CACNA2D3: variants seen among roughly 807,000 people sequenced by gnomAD.
The protein encoded by CACNA2D3 is calcium voltage-gated channel auxiliary subunit alpha2delta 3.
A neutral mutation model predicts 160.6 loss-of-function variants in CACNA2D3; 60 were observed. The ratio of observed to expected loss-of-function variants is 0.37; its 90% CI spans 0.30 to 0.46. CACNA2D3 has a LOEUF of 0.46. Ranked by LOEUF, CACNA2D3 falls within the 20% of genes least tolerant of loss-of-function variation. The pLI is 1.00. For missense variants in CACNA2D3, 1,205 were observed against 1,365.0 expected, an observed-to-expected ratio of 0.88 and a Z score of 1.85; for synonymous variants, 558 against 492.9, an observed-to-expected ratio of 1.13 and a Z score of -1.75.
chr3:54,314,301 A>G (rs573154616), intron 2 of CACNA2D3, among the ~76,000 whole-genome samples: 1 of 152,238 alleles, frequency 6.6e-6, no homozygotes, highest in East Asian at 1.9e-4. Context: ...TTATCCACTC[A>G]TTGATTGATG....
chr3:54,402,097 A>G (rs1699477863), intron 4 of CACNA2D3, among the ~76,000 whole-genome samples: 1 of 152,204 alleles, frequency 6.6e-6, no homozygotes, highest in African/African-American at 2.4e-5. Context: ...TGCATAAACC[A>G]TATGGCACTA....
chr3:54,815,583 A>C (rs1257441881), intron 13 of CACNA2D3, among the ~76,000 whole-genome samples: 1 of 152,226 alleles, frequency 6.6e-6, no homozygotes, highest in South Asian at 2.1e-4. Flanking sequence ...ACAGAGAGAA[A>C]GTCTACTGTC....
At chr3:55,052,834 A>T (rs1704260649) in intron 35 of CACNA2D3, among the ~76,000 whole-genome samples, 1 of 152,122 alleles carries the variant, frequency 6.6e-6, no homozygotes, top group African/African-American at 2.4e-5. Context: ...ATTTTCGTGG[A>T]ATCTTTCCCC....
intron 2 of CACNA2D3, among the ~76,000 whole-genome samples, chr3:54,197,148 G>C (rs896658189): frequency 6.6e-6 from 1 of 152,074 alleles, no homozygotes; most frequent in African/African-American, 2.4e-5. Context: ...GTAATGCAAT[G>C]CTCCTGCCTC....
At chr3:54,839,923 A>G (rs1345415013) in intron 16 of CACNA2D3, among the ~76,000 whole-genome samples, 2 of 152,210 alleles carry the variant, frequency 1.3e-5, no homozygotes, top group African/African-American at 4.8e-5. Flanking sequence ...CCAAACCCAC[A>G]TAATAAATAT....
intron 35 of CACNA2D3, among the ~76,000 whole-genome samples, chr3:55,049,561 G>GA (rs1347154859): frequency 1.4e-5 from 2 of 144,616 alleles, no homozygotes; most frequent in Admixed American, 6.8e-5. Context: ...GTGTGGTGCT[G>GA]AAAAAAATGT....
chr3:54,714,331 A>G (rs759628563), intron 11 of CACNA2D3, among the ~76,000 whole-genome samples: 1 of 152,166 alleles, frequency 6.6e-6, no homozygotes, highest in African/African-American at 2.4e-5. Context: ...TCTTTCATTT[A>G]TGGAGCACGT....
At chr3:54,856,803 CAG>C (rs1184510924) in intron 17 of CACNA2D3, among the ~76,000 whole-genome samples, 1 of 152,102 alleles carries the variant, frequency 6.6e-6, no homozygotes, top group African/African-American at 2.4e-5. Context: ...GTTTTTGAGA[CAG>C]AATTTCACTT....
intron 2 of CACNA2D3, among the ~76,000 whole-genome samples, chr3:54,253,420 C>T (rs535402251): frequency 6.6e-6 from 1 of 152,202 alleles, no homozygotes; most frequent in East Asian, 1.9e-4. Context: ...GGTCACATGG[C>T]TGGAGCAGGA....
intron 3 of CACNA2D3, among the ~76,000 whole-genome samples, chr3:54,367,857 A>G (rs1182813990): frequency 6.6e-6 from 1 of 152,158 alleles, no homozygotes; most frequent in Non-Finnish European, 1.5e-5. Context: ...GTTTTCTGCC[A>G]TCCGCATGGC....
At chr3:54,198,408 C>T (rs544410345) in intron 2 of CACNA2D3, among the ~76,000 whole-genome samples, 12 of 152,338 alleles carry the variant, frequency 7.9e-5, no homozygotes, top group East Asian at 3.9e-4. Flanking sequence ...TCTGGCTTCC[C>T]GTGGCCCCGA....
intron 5 of CACNA2D3, among the ~76,000 whole-genome samples, chr3:54,543,013 T>A (rs760717005): frequency 2.0e-5 from 3 of 152,264 alleles, no homozygotes; most frequent in Admixed American, 6.5e-5. Flanking sequence ...TCCACTTTTA[T>A]AGTGAAGACA....
At chr3:54,914,818 A>C (rs1268941079) in intron 27 of CACNA2D3, among the ~76,000 whole-genome samples, 2 of 152,218 alleles carry the variant, frequency 1.3e-5, no homozygotes, top group African/African-American at 2.4e-5. Context: ...GGTTTCTGTC[A>C]ATAGCATTTA....
chr3:54,860,868 A>G (rs1282112748), intron 17 of CACNA2D3, among the ~76,000 whole-genome samples: 3 of 152,242 alleles, frequency 2.0e-5, no homozygotes, highest in Admixed American at 2.0e-4. Flanking sequence ...AATAGTGCCT[A>G]CTACATGAGA....
Position 54,131,185 on chromosome 3 carries a change from A to G in CACNA2D3, c.204+7591A>G, listed in dbSNP as rs369078486. On this transcript the variant is annotated intron_variant, in intron 2 of 37. Coordinates refer to ENST00000474759, the MANE Select transcript of CACNA2D3 (RefSeq NM_018398.3). ...TACATGTGTACTTGGTGAATGAGCA[A>G]GTGCATGAATGGGTGAGTGCCAGGC... Among the ~76,000 whole-genome samples the G allele has an allele frequency of 4.7e-4, 71 of 152,332 alleles. 2 individuals are homozygous for G. Among genetic ancestry groups the G allele is most frequent in the African/African-American group, 1.7e-3 (70 of 41,580 alleles).
intron 4 of CACNA2D3, among the ~76,000 whole-genome samples, chr3:54,430,845 TA>T (rs1159279164): frequency 6.6e-6 from 1 of 152,198 alleles, no homozygotes; most frequent in Non-Finnish European, 1.5e-5. Context: ...CACAGGGGCT[TA>T]GGGGCGCTGA....
intron 5 of CACNA2D3, among the ~76,000 whole-genome samples, chr3:54,553,990 A>T (rs1702200351): frequency 6.6e-6 from 1 of 152,162 alleles, no homozygotes; most frequent in African/African-American, 2.4e-5. Flanking sequence ...TATCTGCTAA[A>T]ATCCTTGCCA....
At chr3:54,208,612 A>G (rs185258604) in intron 2 of CACNA2D3, among the ~76,000 whole-genome samples, 1 of 151,154 alleles carries the variant, frequency 6.6e-6, no homozygotes, top group East Asian at 2.0e-4. Flanking sequence ...GCCCCTTGTC[A>G]CTCTCAGGTG....
intron 2 of CACNA2D3, among the ~76,000 whole-genome samples, chr3:54,242,497 T>G (rs1701991656): frequency 6.6e-6 from 1 of 152,064 alleles, no homozygotes; most frequent in South Asian, 2.1e-4. Context: ...AGAACAATTA[T>G]AACAATATGT....
Sources: gnomAD v4.1 joint callset for allele counts (sites outside exome capture counted in the v4.1 genomes callset) on GRCh38, gnomAD v4.1.1 for gene constraint, MANE v1.5 for transcripts, NCBI Gene and HGNC (gene_info 2026-07-23, HGNC 2026-07-21) for gene names.